Variants in ST18 observed in about 807,000 individuals in gnomAD.
ST18 encodes the protein ST18 C2H2C-type zinc finger transcription factor, also known as suppression of tumorigenicity 18 protein.
A neutral mutation model predicts 110.0 loss-of-function variants in ST18; 50 were observed. The ratio of observed to expected loss-of-function variants is 0.45; its 90% CI spans 0.36 to 0.58. The LOEUF (loss-of-function observed/expected upper bound fraction) is 0.58. Among genes scored for constraint, ST18 ranks in the 20% least tolerant of loss-of-function variants. The probability of loss-of-function intolerance (pLI) is 0.00; values close to 1 mark genes in which losing one functional copy is unlikely to be tolerated. For missense variants in ST18, 1,306 were observed against 1,280.1 expected, an observed-to-expected ratio of 1.02 and a Z score of -0.31; for synonymous variants, 461 against 452.4, an observed-to-expected ratio of 1.02 and a Z score of -0.24.
At chr8:52,173,780 A>T (rs2065880673) in intron 9 of ST18, among the ~76,000 whole-genome samples, 2 of 152,236 alleles carry the variant, frequency 1.3e-5, no homozygotes. Context: ...TGTTAAAGAC[A>T]CCAAGAGCAG....
At chr8:52,285,915 C>T (rs1392411854) in intron 2 of ST18, among the ~76,000 whole-genome samples, 7 of 152,222 alleles carry the variant, frequency 4.6e-5, no homozygotes, top group African/African-American at 1.7e-4. Flanking sequence ...TAAACTTACA[C>T]ACTTCACCCT....
intron 6 of ST18, among the ~76,000 whole-genome samples, chr8:52,216,472 A>T (rs2084267710): frequency 6.6e-6 from 1 of 152,212 alleles, no homozygotes; most frequent in Non-Finnish European, 1.5e-5. Context: ...CTTGTGGGTC[A>T]AGTTGCAGGA....
intron 5 of ST18, among the ~76,000 whole-genome samples, chr8:52,219,277 A>C (rs1455442981): frequency 6.6e-6 from 1 of 152,178 alleles, no homozygotes; most frequent in African/African-American, 2.4e-5. Context: ...AAGAATGTTT[A>C]AGTATGTTTT....
intron 2 of ST18, among the ~76,000 whole-genome samples, chr8:52,267,959 A>G (rs2094928237): frequency 6.6e-6 from 1 of 152,226 alleles, no homozygotes; most frequent in African/African-American, 2.4e-5. Flanking sequence ...TTAATAGGAC[A>G]CAGGCCAGGA....
chr8:52,381,421 A>G (rs1456598024), intron 2 of ST18, among the ~76,000 whole-genome samples: 1 of 152,220 alleles, frequency 6.6e-6, no homozygotes, highest in Admixed American at 6.5e-5. Context: ...AATAGACAGA[A>G]ACCCTTGAAG....
rs553246889 is a variant in ST18 at position 52,282,329 on chromosome 8, C to T, written c.-464-52252G>A. Among the ~76,000 whole-genome samples the T allele has an allele frequency of 3.9e-5, 6 of 152,252 alleles. No individual in the cohort carries two copies. In the East Asian group the frequency reaches 7.7e-4, roughly 20 times the overall value. On this transcript the variant is annotated intron_variant, in intron 2 of 25. Coordinates refer to ENST00000689386, the MANE Select transcript of ST18 (RefSeq NM_001352837.2). ...TCTAATAATGTACCAAAAAGATAAT[C>T]CACTGTGACAAAATTGGGCTAATTA...
At chr8:52,151,153 C>A (rs1339629536) in intron 15 of ST18, among the ~76,000 whole-genome samples, 1 of 152,190 alleles carries the variant, frequency 6.6e-6, no homozygotes, top group Non-Finnish European at 1.5e-5. Flanking sequence ...TAACCAGCTA[C>A]TTCCCAGGGG....
intron 6 of ST18, among the ~76,000 whole-genome samples, chr8:52,215,864 G>A (rs2136162588): frequency 2.0e-5 from 3 of 152,282 alleles, no homozygotes; most frequent in African/African-American, 7.2e-5. Context: ...TGCATACAAA[G>A]TGGCTCAACT....
intron 8 of ST18, among the ~76,000 whole-genome samples, chr8:52,197,551 A>T (rs1355367407): frequency 6.6e-6 from 1 of 152,202 alleles, no homozygotes; most frequent in African/African-American, 2.4e-5. Flanking sequence ...TTAAGTGAAG[A>T]CCAGGAAACA....
intron 2 of ST18, among the ~76,000 whole-genome samples, chr8:52,383,962 G>A (rs556130559): frequency 8.6e-5 from 13 of 152,020 alleles, no homozygotes; most frequent in South Asian, 4.2e-4. Context: ...TGCCCAGGCC[G>A]ATCTCAAACT....
intron 16 of ST18, among the ~76,000 whole-genome samples, chr8:52,146,888 C>T (rs940481446): frequency 3.9e-5 from 6 of 152,334 alleles, no homozygotes; most frequent in South Asian, 2.1e-4. Context: ...CCAGCCTCAG[C>T]TTTCCCAACC....
At chr8:52,156,370 T>C (rs2060020199) in intron 15 of ST18, among the ~76,000 whole-genome samples, 2 of 152,218 alleles carry the variant, frequency 1.3e-5, no homozygotes, top group Admixed American at 1.3e-4. Context: ...CGCTTATTTC[T>C]ACACATGAAA....
rs572196460 is a variant in ST18 at position 52,231,717 on chromosome 8, C to T, written c.-464-1640G>A. The stretch of plus-strand genomic sequence containing the variant: ...GTCTTGATCTCTTGACCTCGTGATC[C>T]GCCAGCCGCGGCCTCCCAAGGTGCT... On this transcript the variant is annotated intron_variant, in intron 2 of 25. Transcript: ENST00000689386. Among the ~76,000 whole-genome samples, 34 of 152,248 alleles carry T rather than the reference C, an allele frequency of 2.2e-4. 1 individual carries two copies. The highest frequency in any genetic ancestry group is 3.3e-4 in the Admixed American group (5 of 15,290).
chr8:52,266,853 A>G (rs985327883), intron 2 of ST18, among the ~76,000 whole-genome samples: 3 of 152,130 alleles, frequency 2.0e-5, no homozygotes, highest in Admixed American at 6.6e-5. Context: ...GAGGAGCAAG[A>G]AAGTGTTGGT....
intron 2 of ST18, among the ~76,000 whole-genome samples, chr8:52,342,828 A>C (rs571529668): frequency 6.6e-6 from 1 of 152,336 alleles, no homozygotes; most frequent in East Asian, 1.9e-4. Flanking sequence ...TCCCGAGACA[A>C]GATATGTTTC....
chr8:52,398,370 T>C (rs139461122), intron 2 of ST18, among the ~76,000 whole-genome samples: 24 of 152,308 alleles, frequency 1.6e-4, no homozygotes, highest in South Asian at 2.1e-4. Flanking sequence ...CAAATAGAGA[T>C]AATTTTCCTT....
intron 25 of ST18, among the ~76,000 whole-genome samples, chr8:52,114,428 C>G (rs1366782236): frequency 1.3e-5 from 2 of 152,166 alleles, no homozygotes; most frequent in African/African-American, 4.8e-5. Context: ...CATTTTCCCT[C>G]CTTTTTAAAA....
chr8:52,389,244 G>A (rs1230994271), intron 2 of ST18, among the ~76,000 whole-genome samples: 1 of 152,174 alleles, frequency 6.6e-6, no homozygotes, highest in Non-Finnish European at 1.5e-5. Flanking sequence ...CTCCCAGTTG[G>A]CGCCCGGCAG....
intron 19 of ST18, among the ~76,000 whole-genome samples, chr8:52,133,684 T>G (rs767780055): frequency 3.3e-5 from 5 of 150,890 alleles, no homozygotes; most frequent in Non-Finnish European, 7.4e-5. Flanking sequence ...AGTTCTTACC[T>G]TTTATGTAAA....
Sources: allele counts gnomAD v4.1 joint callset (sites outside exome capture counted in the v4.1 genomes callset), GRCh38; gene constraint gnomAD v4.1.1; transcripts MANE v1.5; gene names NCBI Gene and HGNC (gene_info 2026-07-23, HGNC 2026-07-21).